The following KCTD18 variants were observed in gnomAD, a reference collection of about 807,000 sequenced individuals.
The protein encoded by KCTD18 is potassium channel tetramerization domain containing 18.
KCTD18 carries 22 observed loss-of-function variants against 30.4 expected under a neutral mutation model. The observed-to-expected ratio is 0.72, with a 90% CI of 0.52 to 1.03. The LOEUF (loss-of-function observed/expected upper bound fraction) is 1.03. Among genes scored for constraint, KCTD18 ranks in the 50% least tolerant of loss-of-function variants. KCTD18 has a pLI of 0.00. For synonymous variants in KCTD18, 186 were observed against 209.0 expected (o/e 0.89, Z 0.95); for missense variants, 529 against 547.6 (o/e 0.97, Z 0.34).
intron 1 of KCTD18, among the ~76,000 whole-genome samples, chr2:200,509,145 A>G (rs1308415656): frequency 6.6e-6 from 1 of 152,224 alleles, no homozygotes; most frequent in East Asian, 1.9e-4. Context: ...TAATTCACAC[A>G]AAAACTCTAT....
intron 1 of KCTD18, among the ~76,000 whole-genome samples, chr2:200,509,200 T>TA (rs986574148): frequency 1.1e-4 from 17 of 150,684 alleles, no homozygotes; most frequent in African/African-American, 2.4e-4. Flanking sequence ...GCCATTGGGG[T>TA]AAAAAAAAAG....
At chr2:200,506,445 C>T (rs894238429) in intron 2 of KCTD18, among the ~76,000 whole-genome samples, 27 of 152,234 alleles carry the variant, frequency 1.8e-4, no homozygotes, top group African/African-American at 6.3e-4. Context: ...AACACTAATT[C>T]TACAATGACG....
chr2:200,504,246 C>T (rs539108888), intron 3 of KCTD18, among the ~76,000 whole-genome samples: 1 of 152,266 alleles, frequency 6.6e-6, no homozygotes, highest in African/African-American at 2.4e-5. Flanking sequence ...ATCACGAGGT[C>T]AGCAGATCGA....
At position 200,490,142 on chromosome 2, in the gene KCTD18, G is replaced by GGCACGGGCAGCTTC. The variant is rs1446883154; in HGVS notation, c.1225_1238dup (p.Leu414LysfsTer42). 6.2e-7 allele frequency: 1 copy of GGCACGGGCAGCTTC among 1,605,914 alleles called. No homozygotes were observed. Among genetic ancestry groups the GGCACGGGCAGCTTC allele is most frequent in the East Asian group, 2.2e-5 (1 of 44,636 alleles). ...TCCCGTTCTCAGTCCGCACTCCCAA[G>GGCACGGGCAGCTTC]GCACGGGCAGCTTCGCCGGGAAGCG... On this transcript the variant is annotated frameshift_variant, in exon 7 of 7. Transcript: ENST00000359878. LOFTEE classifies it low-confidence loss of function (END_TRUNC).
chr2:200,490,206 G>A lies in KCTD18; in HGVS notation c.1175C>T (p.Pro392Leu). 7 of 1,614,084 alleles carry A rather than the reference G, an allele frequency of 4.3e-6. No homozygotes were observed. The highest frequency in any genetic ancestry group is 5.9e-6 in the Non-Finnish European group (7 of 1,179,904). The change falls in exon 7 of 7, where the codon CCC (proline) becomes CTC (leucine). Residue 392 changes from proline (P) to leucine (L), a missense_variant. By Grantham distance (98) the Pro-to-Leu change is moderately conservative (BLOSUM62 -3). Transcript: ENST00000359878. ...GGCCTGCCTCGTGGCCGTGGGGGAG[G>A]GCAGGCAAGGCGCGGTGGCGCACAG... ...TPLCATAPCL[P>L]SPTATRQANS...
In KCTD18 at chr2:200,499,055, G is replaced by C. The variant is rs149465894; in HGVS notation, c.402C>G (p.Gly134=). The C allele has an allele frequency of 1.2e-6, 2 of 1,613,168 alleles. No homozygotes were observed. The highest frequency in any genetic ancestry group is 1.7e-6 in the Non-Finnish European group (2 of 1,179,666). Residue 134 remains glycine (G), a synonymous_variant, in exon 4 of 7, where the codon GGC becomes GGG. Coordinates refer to ENST00000359878, the MANE Select transcript of KCTD18 (RefSeq NM_152387.4). ...KALTDFCDSY[G]LVCNKPTVWV... ...AAACTGTTGGTTTATTGCAGACTAA[G>C]CCATATGAATCACAGAAGTCTGTTA...
chr2:200,497,973 G>A, intron 4 of KCTD18, 126 bp from the exon 5 acceptor site: 3 of 672,410 alleles, frequency 4.5e-6, no homozygotes, highest in Non-Finnish European at 7.8e-6. Flanking sequence ...GCACTGAGTA[G>A]TTGTTCTGTG....
At chr2:200,497,183 C>G (rs1574800800) in intron 5 of KCTD18, 1 of 152,622 alleles carries the variant, frequency 6.6e-6, no homozygotes, top group African/African-American at 2.4e-5. Flanking sequence ...GTGTCAAAGC[C>G]CTTCTGAGAC....
chr2:200,497,398 C>T (rs1025555659), intron 5 of KCTD18: 2 of 172,896 alleles, frequency 1.2e-5, no homozygotes, highest in Admixed American at 6.0e-5. Flanking sequence ...GCTCTTTAGA[C>T]ATCTTCTCCA....
chr2:200,496,766 T>A (rs974279037), intron 5 of KCTD18: 10 of 152,574 alleles, frequency 6.6e-5, no homozygotes, highest in African/African-American at 2.4e-4. Flanking sequence ...GTGCTGGGAT[T>A]ACAGGCATGA....
At chr2:200,494,474 T>G (rs2087968138) in intron 5 of KCTD18, among the ~76,000 whole-genome samples, 1 of 152,214 alleles carries the variant, frequency 6.6e-6, no homozygotes, top group African/African-American at 2.4e-5. Flanking sequence ...GGATTTGGTG[T>G]TGTCTTCTTA....
chr2:200,497,710 T>A (rs1559183280), intron 5 of KCTD18, 43 bp downstream of exon 5: 5 of 1,292,004 alleles, frequency 3.9e-6, no homozygotes, highest in Admixed American at 1.8e-5. Flanking sequence ...CTTTTTTTTT[T>A]AAAGTCCACC....
intron 1 of KCTD18, among the ~76,000 whole-genome samples, chr2:200,507,933 C>T (rs1189490316): frequency 1.3e-5 from 2 of 152,096 alleles, no homozygotes; most frequent in Non-Finnish European, 2.9e-5. Flanking sequence ...CTTGGCCTTC[C>T]GAAGTGCTGA....
At chr2:200,499,889 T>C in intron 3 of KCTD18, among the ~76,000 whole-genome samples, 1 of 146,660 alleles carries the variant, frequency 6.8e-6, no homozygotes. Flanking sequence ...AATAAAATAC[T>C]AGCAAACCGA....
In KCTD18 at chr2:200,499,656, G is replaced by C. The variant is rs554841634; in HGVS notation, c.373-572C>G. On this transcript the variant is annotated intron_variant, in intron 3 of 6. Coordinates refer to ENST00000359878, the MANE Select transcript of KCTD18 (RefSeq NM_152387.4). ...TAATCAGTAGCTTACCAACCAAAGA[G>C]AGTCCAGGACCAGATGGATTCACAG... Among the ~76,000 whole-genome samples the C allele has an allele frequency of 1.8e-3, 275 of 151,434 alleles. 2 individuals carry two copies. Among genetic ancestry groups the C allele is most frequent in the Middle Eastern group, 6.8e-3 (2 of 294 alleles).
intron 1 of KCTD18, among the ~76,000 whole-genome samples, chr2:200,508,172 G>A (rs67993838): frequency 0.14 from 20,656 of 152,138 alleles, 1,478 homozygotes; most frequent in Non-Finnish European, 0.16. Context: ...GCGCCATCTC[G>A]GCTCACTCCC....
chr2:200,490,553 A>C lies in KCTD18; in HGVS notation c.828T>G (p.Val276=). ...SVNYKTGPKP[V]RFLGPSTSTQ... ...TACTTGTGGAAGGGCCCAAAAATCT[A>C]ACTGGCTTAGGACCAGTCTTATAGT... is the stretch of plus-strand genomic sequence containing the variant. Residue 276 remains valine, a synonymous_variant, in exon 7 of 7, where the codon GTT becomes GTG. Transcript: ENST00000359878. The C allele has an allele frequency of 6.2e-7, 1 of 1,601,990 alleles. No homozygotes were observed.
chr2:200,493,146 C>G, intron 6 of KCTD18, 26 bp downstream of exon 6: 4 of 1,404,886 alleles, frequency 2.8e-6, no homozygotes, highest in Non-Finnish European at 4.0e-6. Flanking sequence ...AAAAACAAAA[C>G]AAATAAACAA....
At chr2:200,499,346 G>C (rs1053987140) in intron 3 of KCTD18, among the ~76,000 whole-genome samples, 4 of 151,918 alleles carry the variant, frequency 2.6e-5, no homozygotes, top group African/African-American at 9.7e-5. Context: ...TTTCCACATG[G>C]AAATTCCATT....
Sources: allele counts gnomAD v4.1 joint callset (sites outside exome capture counted in the v4.1 genomes callset), GRCh38; gene constraint gnomAD v4.1.1; transcripts MANE v1.5; gene names NCBI Gene and HGNC (gene_info 2026-07-23, HGNC 2026-07-21).